The following CIMIP2A variants were observed in gnomAD, a reference collection of about 807,000 sequenced individuals.
The protein encoded by CIMIP2A is family with sequence similarity 166 member A.
the CIMIP2A span, chr9:137,247,725 A>G: frequency 3.1e-6 from 5 of 1,612,638 alleles, no homozygotes; most frequent in South Asian, 3.3e-5. Flanking sequence ...TTTTGCTTTC[A>G]CTCTGGCCTT....
the CIMIP2A span, chr9:137,245,721 C>G: frequency 7.5e-6 from 12 of 1,602,918 alleles, no homozygotes; most frequent in African/African-American, 1.5e-4. Flanking sequence ...CCTCAATGAA[C>G]TTGGGTTTGG....
At chr9:137,243,775 G>C in the CIMIP2A span, 9 of 1,613,948 alleles carry the variant, frequency 5.6e-6, no homozygotes, top group Non-Finnish European at 7.6e-6. Context: ...TCAGGGCGTA[G>C]TTGTCCTGCA....
chr9:137,253,538 G>T, the CIMIP2A span: 1 of 1,381,998 alleles, frequency 7.2e-7, no homozygotes. Flanking sequence ...TAGAGATATG[G>T]CTGCCGCTGG....
At chr9:137,252,651 C>G in the CIMIP2A span, 2 of 1,536,330 alleles carry the variant, frequency 1.3e-6, no homozygotes, top group South Asian at 2.4e-5. Context: ...CCGTCTCCTA[C>G]CCCCTCGCAG....
chr9:137,252,460 C>T, the CIMIP2A span: 1 of 1,611,024 alleles, frequency 6.2e-7, no homozygotes, highest in Non-Finnish European at 8.5e-7. Flanking sequence ...CAGGGCATGG[C>T]AGACTTTGTG....
At chr9:137,251,077 G>T in the CIMIP2A span, 1 of 578,854 alleles carries the variant, frequency 1.7e-6, no homozygotes, top group Admixed American at 2.9e-5. Flanking sequence ...GCTGGGCCAG[G>T]AGTCACCGGG....
the CIMIP2A span, chr9:137,244,838 C>T: frequency 1.3e-6 from 2 of 1,568,274 alleles, no homozygotes; most frequent in Non-Finnish European, 1.7e-6. Context: ...GCAAGGCTCC[C>T]TTTCGTTCCC....
the CIMIP2A span, chr9:137,251,505 C>T: frequency 4.0e-6 from 4 of 1,001,944 alleles, no homozygotes; most frequent in East Asian, 9.6e-5. Context: ...GACTGAGGGA[C>T]AGTGTGGGGA....
the CIMIP2A span, chr9:137,245,558 C>T: frequency 1.1e-5 from 17 of 1,613,646 alleles, no homozygotes; most frequent in Middle Eastern, 1.6e-4. Flanking sequence ...GGCTTCAGAC[C>T]TGTACCAACA....
chr9:137,246,247 G>A, the CIMIP2A span, among the ~76,000 whole-genome samples: 6 of 152,338 alleles, frequency 3.9e-5, no homozygotes, highest in East Asian at 5.8e-4. Flanking sequence ...TTGGACACAC[G>A]CAGGGCCCAC....
At chr9:137,244,611 T>C in the CIMIP2A span, 2 of 1,611,398 alleles carry the variant, frequency 1.2e-6, no homozygotes, top group Admixed American at 3.3e-5. Context: ...GTGTGTGAGC[T>C]GGGAGCAGGC....
the CIMIP2A span, chr9:137,253,118 G>T: frequency 4.5e-6 from 7 of 1,565,884 alleles, no homozygotes; most frequent in Non-Finnish European, 6.1e-6. Context: ...TCGGCAGCCC[G>T]AACCCCTGGC....
chr9:137,253,369 C>T, the CIMIP2A span: 49 of 1,534,354 alleles, frequency 3.2e-5, no homozygotes, highest in East Asian at 1.2e-4. Context: ...CTGGGCACCC[C>T]GATGCACCCT....
chr9:137,246,365 G>A, the CIMIP2A span, among the ~76,000 whole-genome samples: 1,986 of 152,262 alleles, frequency 0.013, 83 homozygotes, highest in East Asian at 0.14. Context: ...GGGCTTTTCC[G>A]GGCCCTCATT....
the CIMIP2A span, among the ~76,000 whole-genome samples, chr9:137,249,091 C>T: frequency 6.6e-5 from 10 of 151,720 alleles, no homozygotes; most frequent in African/African-American, 1.9e-4. Context: ...CTCCTGACCT[C>T]GTGATCCGCC....
the CIMIP2A span, chr9:137,252,870 C>G: frequency 1.3e-6 from 2 of 1,588,186 alleles, no homozygotes; most frequent in Non-Finnish European, 1.7e-6. Flanking sequence ...GGCCCCAACA[C>G]CTACAATATC....
the CIMIP2A span, chr9:137,252,293 AG>A: frequency 7.6e-7 from 1 of 1,319,988 alleles, no homozygotes. Context: ...GCCTGGAGAG[AG>A]GAGGGCTAGG....
At chr9:137,247,525 C>T in the CIMIP2A span, 2 of 802,380 alleles carry the variant, frequency 2.5e-6, no homozygotes, top group South Asian at 1.6e-5. Context: ...GACTGCAGTG[C>T]CCCGTGGTGT....
chr9:137,252,723 G>A, the CIMIP2A span: 1 of 1,554,546 alleles, frequency 6.4e-7, no homozygotes, highest in African/African-American at 1.4e-5. Context: ...TTCAGCTTCA[G>A]AGGCTGCCAC....
Sources: allele counts gnomAD v4.1 joint callset (sites outside exome capture counted in the v4.1 genomes callset), GRCh38; gene constraint gnomAD v4.1.1; transcripts MANE v1.5; gene names NCBI Gene and HGNC (gene_info 2026-07-23, HGNC 2026-07-21).